Variants in TNRC6A observed in about 807,000 individuals in gnomAD.
TNRC6A encodes trinucleotide repeat-containing gene 6A protein.
TNRC6A carries 44 observed loss-of-function variants against 221.2 expected under a neutral mutation model. The observed-to-expected ratio is 0.20, with a 90% CI of 0.16 to 0.26. The LOEUF (loss-of-function observed/expected upper bound fraction) is 0.26. TNRC6A is among the 10% of genes least tolerant of loss of function. The probability of loss-of-function intolerance (pLI) is 1.00; values close to 1 mark genes in which losing one functional copy is unlikely to be tolerated. For synonymous variants in TNRC6A, 847 were observed against 838.5 expected (o/e 1.01, Z -0.18); for missense variants, 2,199 against 2,404.4 (o/e 0.91, Z 1.79).
intron 4 of TNRC6A, among the ~76,000 whole-genome samples, chr16:24,772,389 CTTG>C (rs60270132): frequency 0.025 from 3,738 of 151,832 alleles, 138 homozygotes; most frequent in African/African-American, 0.084. Flanking sequence ...GAAACAAGGT[CTTG>C]TTGTTGCAAG....
chr16:24,799,700 C>T (rs760523654), intron 11 of TNRC6A, among the ~76,000 whole-genome samples: 1 of 152,202 alleles, frequency 6.6e-6, no homozygotes, highest in Non-Finnish European at 1.5e-5. Context: ...TGTAATTGCT[C>T]GTAAGCCATC....
At chr16:24,708,887 T>C (rs565226991) in intron 2 of TNRC6A, among the ~76,000 whole-genome samples, 2 of 152,312 alleles carry the variant, frequency 1.3e-5, no homozygotes, top group African/African-American at 4.8e-5. Context: ...ATTTTCTTTA[T>C]CCGCTGATTG....
chr16:24,636,097 T>C (rs1056739831), intron 1 of TNRC6A, among the ~76,000 whole-genome samples: 2 of 152,206 alleles, frequency 1.3e-5, no homozygotes, highest in African/African-American at 4.8e-5. Context: ...ATTGCAGTGG[T>C]TTGCAGGGAG....
At position 24,818,646 on chromosome 16, in the gene TNRC6A, A is replaced by T. The variant is rs764135562; in HGVS notation, c.5026A>T (p.Ile1676Phe). ...GCCTTCAACTAGTGCCTGGTCATCC[A>T]TTCGTGCCTCCAACTACAACGTTCC... ...TLPSTSAWSS[I>F]RASNYNVPLS... Residue 1676 changes from isoleucine to phenylalanine, a missense_variant, in exon 21 of 25, where the codon ATT becomes TTT. By Grantham distance (21) the Ile-to-Phe change is conservative. Transcript: ENST00000395799. 2 of 1,614,138 alleles carry T rather than the reference A, an allele frequency of 1.2e-6. No homozygotes were observed. The highest frequency in any genetic ancestry group is 1.7e-6 in the Non-Finnish European group (2 of 1,180,032).
At chr16:24,782,866 C>T (rs1483830658) in intron 5 of TNRC6A, among the ~76,000 whole-genome samples, 1 of 151,940 alleles carries the variant, frequency 6.6e-6, no homozygotes, top group Non-Finnish European at 1.5e-5. Flanking sequence ...AGCAAGACTC[C>T]GTCTGACAAA....
intron 2 of TNRC6A, among the ~76,000 whole-genome samples, chr16:24,652,702 G>C (rs886604028): frequency 6.6e-6 from 1 of 152,146 alleles, no homozygotes; most frequent in Middle Eastern, 3.2e-3. Context: ...TATGAAAGAC[G>C]GAATAAGAGG....
rs979766578 is a variant in TNRC6A at position 24,777,576 on chromosome 16, A to G, written c.589+218A>G. On this transcript the variant is annotated intron_variant, in intron 5 of 24. Coordinates refer to ENST00000395799, the MANE Select transcript of TNRC6A (RefSeq NM_014494.4). ...TATTTTAATTACTGATTCTCCCTTC[A>G]GGTTCTGCCCATTTTAATAAGGAGC... 3.3e-5 allele frequency among the ~76,000 whole-genome samples: 5 copies of G among 152,294 alleles called. No homozygotes were observed. The East Asian group carries it at 9.6e-4, about 29-fold the overall frequency.
intron 2 of TNRC6A, among the ~76,000 whole-genome samples, chr16:24,718,940 G>C (rs930472231): frequency 6.6e-6 from 1 of 151,934 alleles, no homozygotes; most frequent in East Asian, 1.9e-4. Context: ...AAGAGGCTGA[G>C]GCAGGAGAAT....
In TNRC6A at chr16:24,815,209, A is replaced by G. The variant is rs1242278041; in HGVS notation, c.4735A>G (p.Ser1579Gly). 6.2e-7 allele frequency: 1 copy of G among 1,614,234 alleles called. No individual in the cohort carries two copies. The highest frequency in any genetic ancestry group is 1.1e-5 in the South Asian group (1 of 91,080). The stretch of plus-strand genomic sequence containing the variant: ...ATTTGTTCCCTATGACTTTATGAAC[A>G]GCAGTACTTCACCAGCCAGTCCTCC... ...SPFVPYDFMN[S>G]STSPASPPGS... Residue 1579 changes from serine to glycine, a missense_variant, in exon 19 of 25, where the codon AGC becomes GGC. Physicochemically the swap from Ser to Gly is moderately conservative, Grantham distance 56 (BLOSUM62 0). This residue lies in a region of TNRC6A where 449 missense variants were observed against 579.7 expected (regional missense o/e 0.77). Coordinates refer to ENST00000395799, the MANE Select transcript of TNRC6A (RefSeq NM_014494.4).
At chr16:24,775,250 T>C (rs1004822721) in intron 4 of TNRC6A, among the ~76,000 whole-genome samples, 2 of 152,288 alleles carry the variant, frequency 1.3e-5, no homozygotes, top group East Asian at 3.9e-4. Context: ...GAAAGCACTT[T>C]GCCCCAATTA....
intron 5 of TNRC6A, 86 bp downstream of exon 5, chr16:24,777,444 G>A: frequency 1.5e-6 from 2 of 1,348,310 alleles, no homozygotes; most frequent in Non-Finnish European, 2.0e-6. Context: ...TTTTGGTGAT[G>A]TATTTGTATT....
At chr16:24,778,830 G>A (rs1046960410) in intron 5 of TNRC6A, among the ~76,000 whole-genome samples, 1 of 152,000 alleles carries the variant, frequency 6.6e-6, no homozygotes, top group African/African-American at 2.4e-5. Flanking sequence ...GTTCATCTGG[G>A]GAGTCAGATT....
intron 20 of TNRC6A, among the ~76,000 whole-genome samples, chr16:24,818,166 C>T (rs1385849629): frequency 6.6e-6 from 1 of 152,148 alleles, no homozygotes; most frequent in Non-Finnish European, 1.5e-5. Flanking sequence ...GGCTGAAGGG[C>T]CTGTTCACTA....
At chr16:24,646,991 C>T (rs754188837) in intron 2 of TNRC6A, among the ~76,000 whole-genome samples, 21 of 97,820 alleles carry the variant, frequency 2.1e-4, no homozygotes, top group African/African-American at 7.9e-4. Context: ...TGTGGTGGTG[C>T]GGATTGACCC....
At chr16:24,612,521 T>C (rs1900106622) in intron 1 of TNRC6A, among the ~76,000 whole-genome samples, 1 of 151,600 alleles carries the variant, frequency 6.6e-6, no homozygotes, top group East Asian at 1.9e-4. Flanking sequence ...CCTAGGCGGC[T>C]GGATTGCTTG....
intron 1 of TNRC6A, among the ~76,000 whole-genome samples, chr16:24,614,366 T>C (rs1900232347): frequency 6.6e-6 from 1 of 152,220 alleles, no homozygotes; most frequent in Non-Finnish European, 1.5e-5. Context: ...TACAAAATAT[T>C]GTGTCTCTTT....
At chr16:24,743,542 C>G (rs527584386) in intron 2 of TNRC6A, among the ~76,000 whole-genome samples, 1 of 132,244 alleles carries the variant, frequency 7.6e-6, no homozygotes, top group East Asian at 2.1e-4. Context: ...CCAGGCTGGT[C>G]TCGAACTCCT....
At chr16:24,611,359 A>T (rs59795397) in intron 1 of TNRC6A, among the ~76,000 whole-genome samples, 1 of 152,162 alleles carries the variant, frequency 6.6e-6, no homozygotes, top group Admixed American at 6.5e-5. Flanking sequence ...GTGCGTGCAC[A>T]TATGTGTTAA....
intron 4 of TNRC6A, among the ~76,000 whole-genome samples, chr16:24,767,259 G>A (rs1311016722): frequency 6.6e-6 from 1 of 152,198 alleles, no homozygotes; most frequent in African/African-American, 2.4e-5. Flanking sequence ...TTCAGAAGGA[G>A]GAAAGCACAA....
Sources: allele counts gnomAD v4.1 joint callset (sites outside exome capture counted in the v4.1 genomes callset), GRCh38; gene constraint gnomAD v4.1.1; regional missense constraint gnomAD v4.1.1; transcripts MANE v1.5; gene names NCBI Gene and HGNC (gene_info 2026-07-23, HGNC 2026-07-21).